PCDHA2: variants seen among roughly 807,000 people sequenced by gnomAD.
PCDHA2 encodes protocadherin alpha 2, also known as protocadherin alpha-2.
PCDHA2 carries 58 observed loss-of-function variants against 66.0 expected under a neutral mutation model. The observed-to-expected ratio is 0.88, with a 90% CI of 0.71 to 1.09. The LOEUF is 1.09. Among genes scored for constraint, PCDHA2 ranks in the 50% least tolerant of loss-of-function variants. PCDHA2 has a pLI of 0.00. For missense variants in PCDHA2, 1,267 were observed against 1,242.3 expected (o/e 1.02, Z -0.30); for synonymous variants, 634 against 554.0 (o/e 1.14, Z -2.03).
At chr5:140,836,794 C>A in intron 1 of PCDHA2, 1 of 1,396,740 alleles carries the variant, frequency 7.2e-7, no homozygotes, top group Non-Finnish European at 9.8e-7. Context: ...TTCAATTGGT[C>A]TCCTTAAATT....
At position 140,968,504 on chromosome 5, in the gene PCDHA2, C is replaced by T. The variant is rs147528189; in HGVS notation, c.2389-10445C>T. 58 of 1,614,064 alleles carry T rather than the reference C, an allele frequency of 3.6e-5. No individual in the cohort carries two copies. In the African/African-American group the frequency reaches 6.7e-4, roughly 19 times the overall value. ...CATGAATGACCATGCCCCTCACATT[C>T]TGTACCCTACCTCAACCAACTCGTC... On this transcript the variant is annotated intron_variant, in intron 1 of 3. Transcript: ENST00000526136.
chr5:140,872,729 A>T (rs578008508), intron 1 of PCDHA2, among the ~76,000 whole-genome samples: 15 of 152,366 alleles, frequency 9.8e-5, no homozygotes, highest in African/African-American at 3.6e-4. Flanking sequence ...AAATTATTCA[A>T]ATTATCTAAA....
At chr5:140,969,935 T>C (rs1490184904) in intron 1 of PCDHA2, among the ~76,000 whole-genome samples, 2 of 152,222 alleles carry the variant, frequency 1.3e-5, no homozygotes, top group Non-Finnish European at 2.9e-5. Context: ...TTAGACATCA[T>C]ACTGAAGCTA....
rs1006692100 is a variant in PCDHA2 at position 140,968,013 on chromosome 5, G to A, written c.2389-10936G>A. Reference sequence around the variant, plus strand: ...CTGCCTTTCCGACTGAATGGCTTTGGAAACTCCTATACACTGGTGGTGAGC... The same window carrying A: ...CTGCCTTTCCGACTGAATGGCTTTGAAAACTCCTATACACTGGTGGTGAGC... On this transcript the variant is annotated intron_variant, in intron 1 of 3. Coordinates refer to ENST00000526136, the MANE Select transcript of PCDHA2 (RefSeq NM_018905.3). 2.5e-6 allele frequency: 4 copies of A among 1,614,066 alleles called. No individual in the cohort carries two copies. The African/African-American group carries it at 4.0e-5, about 16-fold the overall frequency.
At chr5:140,969,450 G>A (rs1554231822) in intron 1 of PCDHA2, 4 of 1,511,552 alleles carry the variant, frequency 2.6e-6, no homozygotes, top group Non-Finnish European at 3.6e-6. Flanking sequence ...GGTAAACTGA[G>A]TATATATAGT....
chr5:140,958,677 G>C (rs917513084), intron 1 of PCDHA2, among the ~76,000 whole-genome samples: 3 of 152,090 alleles, frequency 2.0e-5, no homozygotes, highest in Non-Finnish European at 2.9e-5. Context: ...TAATTATAAA[G>C]GATATTGAAT....
rs148298330 is a variant in PCDHA2, at chr5:140,807,381, G to T, written c.2388+10029G>T. 92 of 1,603,524 alleles carry T rather than the reference G, an allele frequency of 5.7e-5. No individual in the cohort carries two copies. In the African/African-American group the frequency reaches 1.1e-3, roughly 19 times the overall value. On this transcript the variant is annotated intron_variant, in intron 1 of 3. Coordinates refer to ENST00000526136, the MANE Select transcript of PCDHA2 (RefSeq NM_018905.3). ...GCGGAGCTGGTGCCGCGCCTGTTCC[G>T]GGTGGCGTCCAAGGGCCGCGGAGGC... is the stretch of plus-strand genomic sequence containing the variant.
rs2150440099 is a variant in PCDHA2 at position 140,849,547 on chromosome 5, C to T, written c.2388+52195C>T. The T allele has an allele frequency of 7.5e-5, 120 of 1,598,270 alleles. 12 individuals are homozygous for T. Among genetic ancestry groups the T allele is most frequent in the Non-Finnish European group, 6.2e-5 (72 of 1,167,888 alleles). ...GTAAATGACAATGCTCCACAGTTGA[C>T]TATCAAAACGCTCTCGGTTCCTGTA... On this transcript the variant is annotated intron_variant, in intron 1 of 3. Coordinates refer to ENST00000526136, the MANE Select transcript of PCDHA2 (RefSeq NM_018905.3).
intron 1 of PCDHA2, chr5:140,875,830 G>A (rs782702520): frequency 4.6e-5 from 75 of 1,614,104 alleles, no homozygotes; most frequent in East Asian, 8.9e-5. Flanking sequence ...TTTCCATGTG[G>A]ACGTGGAGGT....
intron 3 of PCDHA2, among the ~76,000 whole-genome samples, chr5:141,002,568 C>T (rs1554258737): frequency 6.6e-6 from 1 of 152,182 alleles, no homozygotes; most frequent in Admixed American, 6.5e-5. Context: ...AGTTAGTGAC[C>T]ATGTGACCAT....
intron 1 of PCDHA2, chr5:140,809,344 C>G (rs782610697): frequency 5.6e-6 from 9 of 1,613,964 alleles, no homozygotes; most frequent in African/African-American, 1.3e-5. Flanking sequence ...TGCTGTACAC[C>G]GCGCTGCGGT....
chr5:141,001,448 G>A (rs1465333650), intron 3 of PCDHA2, among the ~76,000 whole-genome samples: 1 of 152,190 alleles, frequency 6.6e-6, no homozygotes, highest in Non-Finnish European at 1.5e-5. Context: ...TCTTTCCACT[G>A]TCAATTGAAG....
chr5:140,842,854 C>T, intron 1 of PCDHA2: 1 of 1,594,004 alleles, frequency 6.3e-7, no homozygotes, highest in South Asian at 1.1e-5. Context: ...TTTCGGTGCA[C>T]ACGGAGAGCG....
chr5:140,923,245 G>T (rs1584300888), intron 1 of PCDHA2, among the ~76,000 whole-genome samples: 3 of 152,190 alleles, frequency 2.0e-5, no homozygotes, highest in East Asian at 1.9e-4. Context: ...TTTGAGACCA[G>T]CTGGGCAACA....
intron 1 of PCDHA2, chr5:140,802,869 G>A (rs915930472): frequency 6.2e-7 from 1 of 1,613,718 alleles, no homozygotes; most frequent in Non-Finnish European, 8.5e-7. Context: ...CGTGCTGGAC[G>A]AGAACGACAA....
intron 1 of PCDHA2, chr5:140,857,218 T>G: frequency 6.3e-7 from 1 of 1,598,468 alleles, no homozygotes. Context: ...CTCTGACGCC[T>G]CACGTTCCGT....
chr5:140,796,792 G>C lies in PCDHA2; in HGVS notation c.1828G>C (p.Glu610Gln). Residue 610 changes from glutamate (E) to glutamine (Q), a missense_variant, in exon 1 of 4, where the codon GAG (glutamate) becomes CAG (glutamine). Coordinates refer to ENST00000526136, the MANE Select transcript of PCDHA2 (RefSeq NM_018905.3). ...DSGYNAWLSY[E>Q]LQLGTGSARI... Reference sequence around the variant, plus strand: ...AGGCTACAACGCGTGGCTTTCGTACGAGCTTCAGCTGGGTACTGGCAGCGC... The same window carrying C: ...AGGCTACAACGCGTGGCTTTCGTACCAGCTTCAGCTGGGTACTGGCAGCGC... 6.2e-7 allele frequency: 1 copy of C among 1,614,160 alleles called. No individual in the cohort carries two copies. Among genetic ancestry groups the C allele is most frequent in the Non-Finnish European group, 8.5e-7 (1 of 1,179,976 alleles).
intron 1 of PCDHA2, chr5:140,967,704 G>A: frequency 6.2e-7 from 1 of 1,614,196 alleles, no homozygotes; most frequent in Non-Finnish European, 8.5e-7. Context: ...ATAGATGCCA[G>A]TACCGGGGAA....
In PCDHA2 at chr5:140,855,883, A is replaced by G. The variant is rs2043659343; in HGVS notation, c.2388+58531A>G. 3.2e-6 allele frequency: 3 copies of G among 946,140 alleles called. 1 individual carries two copies. Among genetic ancestry groups the G allele is most frequent in the African/African-American group, 3.3e-5 (2 of 60,716 alleles). 58.6% of individuals were successfully genotyped at this position (946,140 alleles called of 1,614,324 possible). On this transcript the variant is annotated intron_variant, in intron 1 of 3. Coordinates refer to ENST00000526136, the MANE Select transcript of PCDHA2 (RefSeq NM_018905.3). The stretch of plus-strand genomic sequence containing the variant: ...GCTGTCGTCCACAAAATAGCTTTTT[A>G]GAACAAAGGCATCAGCCAGTTTCTC...
Sources: allele counts gnomAD v4.1 joint callset (sites outside exome capture counted in the v4.1 genomes callset), GRCh38; gene constraint gnomAD v4.1.1; transcripts MANE v1.5; gene names NCBI Gene and HGNC (gene_info 2026-07-23, HGNC 2026-07-21).